UBE2W: variants seen among roughly 807,000 people sequenced by gnomAD.
The protein encoded by UBE2W is ubiquitin-conjugating enzyme E2 W.
Under a neutral mutation model 27.2 loss-of-function variants are expected in UBE2W, and 18 were observed. The observed-to-expected ratio is 0.66, with a 90% confidence interval of 0.46 to 0.98. The LOEUF (loss-of-function observed/expected upper bound fraction) is 0.98, where lower values mean the gene tolerates loss of function less well. Ranked by LOEUF, UBE2W falls within the 50% of genes least tolerant of loss-of-function variation. The pLI, the probability that UBE2W is intolerant of heterozygous loss-of-function variation, is 0.00. For synonymous variants in UBE2W, 53 were observed against 57.2 expected, an observed-to-expected ratio of 0.93 and a Z score of 0.33; for missense variants, 90 against 180.2, an observed-to-expected ratio of 0.50 and a Z score of 2.87.
intron 2 of UBE2W, among the ~76,000 whole-genome samples, chr8:73,826,256 C>T (rs746842500): frequency 8.6e-5 from 13 of 152,028 alleles, no homozygotes; most frequent in Non-Finnish European, 1.5e-4. Context: ...ATATACTATT[C>T]TTGTTATTTT....
At chr8:73,822,189 A>G (rs1563592839) in intron 3 of UBE2W, among the ~76,000 whole-genome samples, 1 of 152,074 alleles carries the variant, frequency 6.6e-6, no homozygotes, top group Non-Finnish European at 1.5e-5. Context: ...CACAACCCCT[A>G]CTACGTCCCA....
intron 3 of UBE2W, among the ~76,000 whole-genome samples, chr8:73,824,865 T>C (rs973116216): frequency 1.3e-5 from 2 of 152,128 alleles, no homozygotes; most frequent in East Asian, 1.9e-4. Flanking sequence ...AGCATGGGGG[T>C]TGGGGACCCC....
chr8:73,842,230 C>T (rs1254001570), intron 1 of UBE2W, among the ~76,000 whole-genome samples: 1 of 151,846 alleles, frequency 6.6e-6, no homozygotes, highest in Non-Finnish European at 1.5e-5. Context: ...ACTATGCAAC[C>T]GTTAAGAATG....
chr8:73,829,843 G>T (rs1208870549), intron 2 of UBE2W, among the ~76,000 whole-genome samples: 1 of 151,722 alleles, frequency 6.6e-6, no homozygotes, highest in Non-Finnish European at 1.5e-5. Flanking sequence ...CTTTTTAGAG[G>T]TTTTTTTTAA....
At chr8:73,855,219 G>A (rs75289944) in intron 1 of UBE2W, among the ~76,000 whole-genome samples, 1,534 of 152,168 alleles carry the variant, frequency 0.01, 24 homozygotes, top group African/African-American at 0.035. Flanking sequence ...AATAGTGAGA[G>A]AGCACTTTTT....
rs1808044001 is a variant in UBE2W at position 73,788,221 on chromosome 8, A to C, written c.*5881T>G. On this transcript the variant is annotated 3_prime_UTR_variant, in exon 6 of 6. Coordinates refer to ENST00000602593, the MANE Select transcript of UBE2W (RefSeq NM_018299.6). ...AACAAGTCTGATACATGTATTAAAA[A>C]ATATATAACATAGATTTGTCTGTTT... 1.1e-6 allele frequency: 1 copy of C among 943,142 alleles called. No homozygotes were observed. The highest frequency in any genetic ancestry group is 1.3e-6 in the Non-Finnish European group (1 of 791,782). 58.4% of individuals were successfully genotyped at this position (943,142 alleles called of 1,614,324 possible).
At chr8:73,784,293 C>T (rs1472040148), downstream of UBE2W, among the ~76,000 whole-genome samples, 1 of 152,140 alleles carries the variant, frequency 6.6e-6, no homozygotes, top group African/African-American at 2.4e-5. Context: ...AAGTGTCAAA[C>T]TGTATTTCAA....
chr8:73,787,779 G>A lies in UBE2W; in HGVS notation c.*6323C>T. ...AAGCATCCAGAAGTTCTTAGAGTAT[G>A]CCCTTAATTGTACAACTTGAAGTTC... On this transcript the variant is annotated 3_prime_UTR_variant, in exon 6 of 6. Transcript: ENST00000602593. 1.0e-6 allele frequency: 1 copy of A among 985,394 alleles called. No individual in the cohort carries two copies. The highest frequency in any genetic ancestry group is 1.2e-6 in the Non-Finnish European group (1 of 829,916). The allele number at this position is 985,394 out of a possible 1,614,324, so 61.0% of individuals were successfully genotyped here.
At chr8:73,806,221 A>G (rs781331413) in intron 4 of UBE2W, among the ~76,000 whole-genome samples, 1 of 152,112 alleles carries the variant, frequency 6.6e-6, no homozygotes, top group Non-Finnish European at 1.5e-5. Context: ...AGAAAAGTCA[A>G]ATTCACATAA....
At chr8:73,872,428 T>C (rs1033948772) in intron 1 of UBE2W, among the ~76,000 whole-genome samples, 8 of 152,230 alleles carry the variant, frequency 5.3e-5, no homozygotes, top group Non-Finnish European at 1.0e-4. Flanking sequence ...AAGTGGCTTA[T>C]TTTCTTGCTG....
intron 1 of UBE2W, among the ~76,000 whole-genome samples, chr8:73,837,701 A>T (rs547029010): frequency 6.6e-6 from 1 of 152,124 alleles, no homozygotes; most frequent in East Asian, 1.9e-4. Flanking sequence ...CAGCCTCCCA[A>T]AGTGCTAGGA....
rs1808112016 is a variant in UBE2W at position 73,789,665 on chromosome 8, G to A, written c.*4437C>T. On this transcript the variant is annotated 3_prime_UTR_variant, in exon 6 of 6. Coordinates refer to ENST00000602593, the MANE Select transcript of UBE2W (RefSeq NM_018299.6). Reference sequence around the variant, plus strand: ...GTTCAACACCAGCCTGGCCAACACGGTGAAACCTTGTCTCTACTAAAAATT... The same window carrying A: ...GTTCAACACCAGCCTGGCCAACACGATGAAACCTTGTCTCTACTAAAAATT... 1 of 156,344 alleles carries A rather than the reference G, an allele frequency of 6.4e-6. No homozygotes were observed. Among genetic ancestry groups the A allele is most frequent in the Admixed American group, 6.6e-5 (1 of 15,226 alleles). 9.7% of individuals were successfully genotyped at this position (156,344 alleles called of 1,614,324 possible).
intron 5 of UBE2W, among the ~76,000 whole-genome samples, chr8:73,804,057 C>T (rs1316356268): frequency 1.3e-5 from 2 of 152,052 alleles, no homozygotes; most frequent in Non-Finnish European, 2.9e-5. Context: ...TGAGCCACCA[C>T]GCCCGGCCAC....
At chr8:73,859,603 T>C (rs1025852449) in intron 1 of UBE2W, among the ~76,000 whole-genome samples, 11 of 152,326 alleles carry the variant, frequency 7.2e-5, no homozygotes, top group African/African-American at 2.6e-4. Flanking sequence ...ACACAAAATA[T>C]GTGTTAATCA....
chr8:73,876,911 GA>G (rs551350133), intron 1 of UBE2W, among the ~76,000 whole-genome samples: 183 of 152,262 alleles, frequency 1.2e-3, no homozygotes, highest in African/African-American at 4.3e-3. Flanking sequence ...AGGCTGCGGT[GA>G]GCCAAGATCG....
intron 3 of UBE2W, among the ~76,000 whole-genome samples, chr8:73,818,174 A>G (rs1291061175): frequency 6.6e-6 from 1 of 152,194 alleles, no homozygotes; most frequent in African/African-American, 2.4e-5. Flanking sequence ...TTGTCTGTAC[A>G]GTTGCATATG....
intron 3 of UBE2W, among the ~76,000 whole-genome samples, chr8:73,819,055 T>A (rs1809504803): frequency 6.6e-6 from 1 of 152,180 alleles, no homozygotes; most frequent in Admixed American, 6.5e-5. Context: ...TCCTACATAT[T>A]CCAGATTTAG....
intron 2 of UBE2W, among the ~76,000 whole-genome samples, chr8:73,827,789 C>T (rs757991042): frequency 3.9e-5 from 6 of 152,204 alleles, no homozygotes; most frequent in South Asian, 2.1e-4. Context: ...ATCCTCCTGC[C>T]CCGCCTCAGC....
At chr8:73,834,424 A>G (rs1586496344) in intron 1 of UBE2W, among the ~76,000 whole-genome samples, 1 of 152,366 alleles carries the variant, frequency 6.6e-6, no homozygotes, top group East Asian at 1.9e-4. Flanking sequence ...CTTCTTCAAC[A>G]GAACTTTCCA....
Sources: allele counts gnomAD v4.1 joint callset (sites outside exome capture counted in the v4.1 genomes callset), GRCh38; gene constraint gnomAD v4.1.1; transcripts MANE v1.5; gene names NCBI Gene and HGNC (gene_info 2026-07-23, HGNC 2026-07-21).